The following RHOQ variants were observed in gnomAD, a reference collection of about 807,000 sequenced individuals.
The protein encoded by RHOQ is ras homolog family member Q.
Under a neutral mutation model 25.8 loss-of-function variants are expected in RHOQ, and 7 were observed. The observed-to-expected ratio is 0.27, with a 90% CI of 0.15 to 0.51. The LOEUF (loss-of-function observed/expected upper bound fraction) is 0.51. Ranked by LOEUF, RHOQ falls within the 20% of genes least tolerant of loss-of-function variation. The probability of loss-of-function intolerance (pLI) is 0.97; values close to 1 mark genes in which losing one functional copy is unlikely to be tolerated. For synonymous variants in RHOQ, 97 were observed against 98.6 expected (o/e 0.98, Z 0.10); for missense variants, 165 against 260.6 (o/e 0.63, Z 2.53).
rs58602087 is a variant in RHOQ, at chr2:46,546,451, CATAT to C, written c.201+2658_201+2661del. 1.4e-3 allele frequency among the ~76,000 whole-genome samples: 64 copies of C among 47,152 alleles called. 2 individuals carry two copies. Among genetic ancestry groups the C allele is most frequent in the East Asian group, 4.7e-3 (10 of 2,132 alleles). 30.9% of individuals were successfully genotyped at this position (47,152 alleles called of 152,430 possible). The stretch of plus-strand genomic sequence containing the variant: ...ATATATGTATCCGTATACACATATA[CATAT>C]ATATATATATATATATATGTGTATA... On this transcript the variant is annotated intron_variant, in intron 2 of 4. Transcript: ENST00000238738.
At chr2:46,579,312 GTCT>G (rs1446382908) in intron 4 of RHOQ, among the ~76,000 whole-genome samples, 5 of 152,120 alleles carry the variant, frequency 3.3e-5, no homozygotes, top group African/African-American at 1.2e-4. Context: ...CTTTGTGGAT[GTCT>G]TCTTCTATAG....
intron 2 of RHOQ, among the ~76,000 whole-genome samples, chr2:46,563,420 T>C (rs1199945713): frequency 1.3e-5 from 2 of 152,170 alleles, no homozygotes; most frequent in Non-Finnish European, 2.9e-5. Flanking sequence ...TAAAGTTACA[T>C]AGGCTGTAGT....
intron 2 of RHOQ, among the ~76,000 whole-genome samples, chr2:46,557,283 T>C (rs1050816735): frequency 4.6e-5 from 7 of 152,168 alleles, no homozygotes; most frequent in African/African-American, 1.4e-4. Flanking sequence ...ACAATGTTAT[T>C]TATAATAGTG....
intron 2 of RHOQ, among the ~76,000 whole-genome samples, chr2:46,547,830 G>A (rs181574541): frequency 1.3e-5 from 2 of 152,214 alleles, no homozygotes; most frequent in African/African-American, 2.4e-5. Context: ...TGTTTGGAGC[G>A]ATGGGAAGTG....
Position 46,584,440 on chromosome 2 carries a change from C to G in RHOQ, c.*3357C>G, listed in dbSNP as rs1237931668. Among the ~76,000 whole-genome samples, 1 of 152,126 alleles carries G rather than the reference C, an allele frequency of 6.6e-6. No individual in the cohort carries two copies. The highest frequency in any genetic ancestry group is 2.4e-5 in the African/African-American group (1 of 41,432). On this transcript the variant is annotated 3_prime_UTR_variant, in exon 5 of 5. Transcript: ENST00000238738. ...CCCAGCTAGATTCCAATTTGGGTTA[C>G]TAAATTGTATTTTAATCATTTTGTA...
chr2:46,553,949 G>A (rs1310790362), intron 2 of RHOQ, among the ~76,000 whole-genome samples: 2 of 151,972 alleles, frequency 1.3e-5, no homozygotes, highest in Non-Finnish European at 2.9e-5. Flanking sequence ...CCAGCCTCTG[G>A]TACCCATCCT....
Position 46,583,765 on chromosome 2 carries a change from G to T in RHOQ, c.*2682G>T, listed in dbSNP as rs546985414. On this transcript the variant is annotated 3_prime_UTR_variant, in exon 5 of 5. Transcript: ENST00000238738. ...ACTATTTCAAACTAGTGAAATATCT[G>T]GGAAATAAACTGCTTCAAAAATATT... is the stretch of plus-strand genomic sequence containing the variant. Among the ~76,000 whole-genome samples, 4 of 152,028 alleles carry T rather than the reference G, an allele frequency of 2.6e-5. No homozygotes were observed. The highest frequency in any genetic ancestry group is 9.7e-5 in the African/African-American group (4 of 41,390).
intron 2 of RHOQ, among the ~76,000 whole-genome samples, chr2:46,562,650 T>G (rs944229060): frequency 6.6e-6 from 1 of 152,218 alleles, no homozygotes; most frequent in Non-Finnish European, 1.5e-5. Flanking sequence ...GTGTGCAAAG[T>G]GGGCCGAGAG....
intron 2 of RHOQ, among the ~76,000 whole-genome samples, chr2:46,575,710 GAC>G (rs1669098653): frequency 6.6e-6 from 1 of 152,074 alleles, no homozygotes; most frequent in Non-Finnish European, 1.5e-5. Context: ...ACTAGTGCCT[GAC>G]ACATAGTAAA....
Position 46,548,292 on chromosome 2 carries a change from G to T in RHOQ, c.201+4480G>T, listed in dbSNP as rs1291566808. ...TGCATGCCCTCTGGGTGCCCACAAG[G>T]CACTTCCCCTACAGAAGGGAATCTC... is the stretch of plus-strand genomic sequence containing the variant. On this transcript the variant is annotated intron_variant, in intron 2 of 4. Coordinates refer to ENST00000238738, the MANE Select transcript of RHOQ (RefSeq NM_012249.4). The surrounding 1 kb of genome is among the most constrained non-coding windows in gnomAD (Gnocchi z 5.2). 6.6e-6 allele frequency among the ~76,000 whole-genome samples: 1 copy of T among 152,182 alleles called. No homozygotes were observed. The highest frequency in any genetic ancestry group is 2.4e-5 in the African/African-American group (1 of 41,434).
At position 46,556,053 on chromosome 2, in the gene RHOQ, C is replaced by T. The variant is rs867157995; in HGVS notation, c.201+12241C>T. 3.8e-4 allele frequency among the ~76,000 whole-genome samples: 58 copies of T among 152,142 alleles called. No individual in the cohort carries two copies. The highest frequency in any genetic ancestry group is 1.3e-3 in the African/African-American group (53 of 41,426). ...ACGAAACCCCATACCCACCGACAGT[C>T]ACTCCCCACCATTCCTCCTCCCCCG... is the stretch of plus-strand genomic sequence containing the variant. On this transcript the variant is annotated intron_variant, in intron 2 of 4. Coordinates refer to ENST00000238738, the MANE Select transcript of RHOQ (RefSeq NM_012249.4). This position sits in a 1 kb window ranked among gnomAD's most constrained non-coding sequence, Gnocchi z 4.9.
Position 46,576,414 on chromosome 2 carries a change from A to G in RHOQ, c.367-147A>G. The stretch of plus-strand genomic sequence containing the variant: ...TATTTTTGGAAAAAATTGTGCCAAA[A>G]GAAAGCAATTATTTTCCTGGTTTTT... On this transcript the variant is annotated intron_variant, in intron 3 of 4. Transcript: ENST00000238738. This position sits in a 1 kb window ranked among gnomAD's most constrained non-coding sequence, Gnocchi z 5.1. The G allele has an allele frequency of 1.1e-6, 1 of 897,644 alleles. No individual in the cohort carries two copies. Among genetic ancestry groups the G allele is most frequent in the Non-Finnish European group, 1.7e-6 (1 of 592,958 alleles). The allele number at this position is 897,644 out of a possible 1,614,324, so 55.6% of individuals were successfully genotyped here.
chr2:46,542,566 G>T lies in RHOQ; in HGVS notation c.-481G>T, dbSNP rs1419040038. Reference sequence around the variant, plus strand: ...GCGCCGGCAGGGCCGCGCGGCGGCAGCAGGCGGGGGCGCGTGGCGCGGGCC... The same window carrying T: ...GCGCCGGCAGGGCCGCGCGGCGGCATCAGGCGGGGGCGCGTGGCGCGGGCC... On this transcript the variant is annotated 5_prime_UTR_variant, in exon 1 of 5. Transcript: ENST00000238738. The T allele has an allele frequency of 6.8e-6, 1 of 147,466 alleles. No individual in the cohort carries two copies. The highest frequency in any genetic ancestry group is 1.5e-5 in the Non-Finnish European group (1 of 66,372). 9.1% of individuals were successfully genotyped at this position (147,466 alleles called of 1,614,324 possible). A position where few individuals can be genotyped will look rare whatever the true frequency, so the allele number is the denominator to read the frequency against.
intron 2 of RHOQ, chr2:46,560,656 G>A (rs1190744707): frequency 2.2e-6 from 1 of 455,792 alleles, no homozygotes; most frequent in Non-Finnish European, 4.4e-6. Flanking sequence ...GTGTCCACTA[G>A]CTCCAGCATC....
At chr2:46,557,256 A>G (rs755809418) in intron 2 of RHOQ, among the ~76,000 whole-genome samples, 5 of 152,256 alleles carry the variant, frequency 3.3e-5, no homozygotes, top group Non-Finnish European at 7.3e-5. Context: ...AGAGATTTAC[A>G]TAAAATGATA....
intron 2 of RHOQ, among the ~76,000 whole-genome samples, chr2:46,550,051 AC>A (rs1249960519): frequency 6.6e-6 from 1 of 150,746 alleles, no homozygotes; most frequent in Non-Finnish European, 1.5e-5. Flanking sequence ...ACACAACAAG[AC>A]CCCCAATTCT....
chr2:46,560,704 A>G (rs1484348727), intron 2 of RHOQ: 2 of 440,074 alleles, frequency 4.5e-6, no homozygotes, highest in Admixed American at 2.4e-5. Context: ...ATAGTCACTA[A>G]TATTCTCATT....
intron 4 of RHOQ, chr2:46,580,202 T>G (rs1669302269): frequency 6.6e-6 from 1 of 152,544 alleles, no homozygotes; most frequent in Non-Finnish European, 1.5e-5. Flanking sequence ...AAGCCTCTGT[T>G]CCCTCTCTGC....
rs200633806 is a variant in RHOQ, at chr2:46,543,109, C to T, written c.63C>T (p.Gly21=). 149 of 1,610,404 alleles carry T rather than the reference C, an allele frequency of 9.3e-5. No individual in the cohort carries two copies. The East Asian group carries it at 3.2e-3, about 34-fold the overall frequency. Residue 21 remains glycine (G), a synonymous_variant, in exon 1 of 5, where the codon GGC becomes GGT. Transcript: ENST00000238738. ...TGGTGGTCGGCGACGGGGCGGTGGG[C>T]AAGACGTGCCTACTCATGAGCTATG... ...KCVVVGDGAV[G]KTCLLMSYAN... is the part of the protein sequence containing the mutation.
Sources: gnomAD v4.1 joint callset for allele counts (sites outside exome capture counted in the v4.1 genomes callset) on GRCh38, gnomAD v4.1.1 for gene constraint, Gnocchi (gnomAD v3.1) non-coding constraint, MANE v1.5 for transcripts, NCBI Gene and HGNC (gene_info 2026-07-23, HGNC 2026-07-21) for gene names.